The following CTNND2 variants were observed in gnomAD, a reference collection of about 807,000 sequenced individuals.
The protein encoded by CTNND2 is catenin delta-2.
Under a neutral mutation model 144.4 loss-of-function variants are expected in CTNND2, and 22 were observed. The ratio of observed to expected loss-of-function variants is 0.15; its 90% CI spans 0.11 to 0.22. The LOEUF (loss-of-function observed/expected upper bound fraction) is 0.22, where lower values mean the gene tolerates loss of function less well. CTNND2 is among the 10% of genes least tolerant of loss of function. The pLI is 1.00. For synonymous variants in CTNND2, 751 were observed against 695.6 expected (o/e 1.08, Z -1.25); for missense variants, 1,353 against 1,618.8 (o/e 0.84, Z 2.82).
Position 11,384,949 on chromosome 5 carries a change from G to A in CTNND2, c.893C>T (p.Ser298Phe). Residue 298 changes from serine to phenylalanine, a missense_variant, in exon 7 of 22, where the codon TCC (serine) becomes TTC (phenylalanine). Transcript: ENST00000304623. The surrounding 1 kb of genome is among the most constrained non-coding windows in gnomAD (Gnocchi z 5.2). ...EGATYAAPRG[S>F]SPKQSPSRLA... ...GCGGCTGGGCGACTGCTTGGGCGAG[G>A]AGCCGCGCGGCGCGGCGTAGGTGGC... 1 of 1,578,876 alleles carries A rather than the reference G, an allele frequency of 6.3e-7. No individual in the cohort carries two copies.
rs1274377125 is a variant in CTNND2 at position 11,228,539 on chromosome 5, G to A, written c.1761+8152C>T. ...CTTACTCTGTCACCCAGGCTGGAGT[G>A]CAGTGGCATGATCTCCACTTACTAC... On this transcript the variant is annotated intron_variant, in intron 10 of 21. Transcript: ENST00000304623. 6.0e-5 allele frequency among the ~76,000 whole-genome samples: 9 copies of A among 149,450 alleles called. No homozygotes were observed. In the South Asian group the frequency reaches 1.5e-3, roughly 25 times the overall value.
At chr5:11,350,443 G>C (rs952936272) in intron 8 of CTNND2, among the ~76,000 whole-genome samples, 9 of 151,826 alleles carry the variant, frequency 5.9e-5, no homozygotes, top group Non-Finnish European at 1.2e-4. Flanking sequence ...ACTATGAAAA[G>C]AGGCTGGGAT....
chr5:11,137,665 T>C (rs1435874066), intron 12 of CTNND2, among the ~76,000 whole-genome samples: 1 of 152,218 alleles, frequency 6.6e-6, no homozygotes, highest in Non-Finnish European at 1.5e-5. Flanking sequence ...CCAGGTCTTC[T>C]TGCAAACATG....
chr5:11,517,718 A>G (rs1303880711), intron 3 of CTNND2, among the ~76,000 whole-genome samples: 2 of 152,120 alleles, frequency 1.3e-5, no homozygotes, highest in African/African-American at 4.8e-5. Flanking sequence ...GCAGCAAACC[A>G]CCATGGCACA....
At chr5:11,200,592 G>C (rs72730935) in intron 10 of CTNND2, among the ~76,000 whole-genome samples, 2 of 152,222 alleles carry the variant, frequency 1.3e-5, no homozygotes, top group Non-Finnish European at 2.9e-5. Flanking sequence ...TTAATTTTTT[G>C]ATTACAGAAA....
intron 1 of CTNND2, among the ~76,000 whole-genome samples, chr5:11,880,135 CATCCTGA>C (rs1477973396): frequency 2.0e-5 from 3 of 152,140 alleles, no homozygotes; most frequent in African/African-American, 7.2e-5. Flanking sequence ...TAACTTAATT[CATCCTGA>C]TACACAACCC....
chr5:11,033,627 G>C (rs868544099), intron 16 of CTNND2, among the ~76,000 whole-genome samples: 1 of 152,102 alleles, frequency 6.6e-6, no homozygotes. Flanking sequence ...TCAGGAGTTC[G>C]AGACCAGCTT....
chr5:11,601,133 C>T (rs947548842), intron 2 of CTNND2, among the ~76,000 whole-genome samples: 3 of 151,960 alleles, frequency 2.0e-5, no homozygotes, highest in Admixed American at 6.6e-5. Context: ...ATGCGAATAA[C>T]GTGTTTGTAT....
At chr5:11,841,639 C>T (rs1041770673) in intron 1 of CTNND2, among the ~76,000 whole-genome samples, 3 of 152,046 alleles carry the variant, frequency 2.0e-5, no homozygotes, top group African/African-American at 7.2e-5. Context: ...ATGGAAAGAG[C>T]GGGCTCTCTG....
At chr5:11,838,479 T>C (rs1377269532) in intron 1 of CTNND2, among the ~76,000 whole-genome samples, 1 of 152,188 alleles carries the variant, frequency 6.6e-6, no homozygotes, top group Non-Finnish European at 1.5e-5. Context: ...AGCCTTTTTA[T>C]GACTTATTAG....
At chr5:11,200,510 G>A (rs2149829364) in intron 10 of CTNND2, among the ~76,000 whole-genome samples, 1 of 152,276 alleles carries the variant, frequency 6.6e-6, no homozygotes. Flanking sequence ...CATGATTCGT[G>A]CAGGAATACC....
At chr5:11,881,685 T>C (rs1004537360) in intron 1 of CTNND2, among the ~76,000 whole-genome samples, 3 of 152,122 alleles carry the variant, frequency 2.0e-5, no homozygotes, top group African/African-American at 7.2e-5. Context: ...TTATTGTGAA[T>C]AGTGCTGCAA....
chr5:11,093,801 T>G (rs1215057794), intron 15 of CTNND2, among the ~76,000 whole-genome samples: 1 of 152,212 alleles, frequency 6.6e-6, no homozygotes, highest in Non-Finnish European at 1.5e-5. Flanking sequence ...GTATCCTAAC[T>G]CAATCTTTTA....
intron 1 of CTNND2, among the ~76,000 whole-genome samples, chr5:11,752,778 T>C (rs185258631): frequency 1.3e-4 from 20 of 151,994 alleles, no homozygotes; most frequent in African/African-American, 4.8e-4. Context: ...TTGGGCAGTA[T>C]GGCCATTTTA....
intron 1 of CTNND2, among the ~76,000 whole-genome samples, chr5:11,883,122 C>T (rs1465381257): frequency 6.6e-6 from 1 of 152,088 alleles, no homozygotes; most frequent in African/African-American, 2.4e-5. Flanking sequence ...CACTGTTGGG[C>T]ATATAAAAAT....
intron 3 of CTNND2, among the ~76,000 whole-genome samples, chr5:11,451,372 A>G (rs572831120): frequency 2.0e-5 from 3 of 152,342 alleles, no homozygotes; most frequent in South Asian, 2.1e-4. Flanking sequence ...CAACCACAAT[A>G]TAATTCTTCA....
At chr5:11,600,382 C>T (rs1231070243) in intron 2 of CTNND2, among the ~76,000 whole-genome samples, 1 of 152,080 alleles carries the variant, frequency 6.6e-6, no homozygotes, top group Non-Finnish European at 1.5e-5. Flanking sequence ...TATAGGTGAA[C>T]AATTGTACCA....
intron 3 of CTNND2, among the ~76,000 whole-genome samples, chr5:11,491,335 T>C (rs1397398038): frequency 2.0e-5 from 3 of 152,212 alleles, no homozygotes; most frequent in Non-Finnish European, 4.4e-5. Flanking sequence ...AACAGTTCAA[T>C]AGTGCTTCCT....
intron 2 of CTNND2, among the ~76,000 whole-genome samples, chr5:11,726,000 C>A (rs1163807663): frequency 6.6e-6 from 1 of 152,172 alleles, no homozygotes; most frequent in East Asian, 1.9e-4. Context: ...GACTATTTTA[C>A]CCCAGGAGCC....
Sources: allele counts gnomAD v4.1 joint callset (sites outside exome capture counted in the v4.1 genomes callset), GRCh38; gene constraint gnomAD v4.1.1; non-coding constraint Gnocchi (gnomAD v3.1); transcripts MANE v1.5; gene names NCBI Gene and HGNC (gene_info 2026-07-23, HGNC 2026-07-21).